The following SENP5 variants were observed in gnomAD, a reference collection of about 807,000 sequenced individuals.
SENP5 encodes the protein sentrin-specific protease 5.
Under a neutral mutation model 74.2 loss-of-function variants are expected in SENP5, and 21 were observed. The ratio of observed to expected loss-of-function variants is 0.28; its 90% CI spans 0.20 to 0.41. The LOEUF (loss-of-function observed/expected upper bound fraction) is 0.41. SENP5 is among the 10% of genes least tolerant of loss of function. The pLI, the probability that SENP5 is intolerant of heterozygous loss-of-function variation, is 1.00. For synonymous variants in SENP5, 311 were observed against 312.7 expected (o/e 0.99, Z 0.06); for missense variants, 717 against 889.1 (o/e 0.81, Z 2.46).
At chr3:196,896,717 G>A (rs1247550726) in intron 2 of SENP5, among the ~76,000 whole-genome samples, 2 of 152,158 alleles carry the variant, frequency 1.3e-5, no homozygotes, top group Non-Finnish European at 2.9e-5. Flanking sequence ...AAAGTGCTGG[G>A]ATTACAGGCA....
At position 196,885,513 on chromosome 3, in the gene SENP5, T is replaced by C. The variant is rs1328835207; in HGVS notation, c.332T>C (p.Leu111Pro). ...CACTTCATTTCCTCCTCAAAGACTC[T>C]CCTGAGACTCCAAGCAGAGAAGCTG... Reference protein sequence around the residue: ...AKHFISSSKTLLRLQAEKLLS... With the variant: ...AKHFISSSKTPLRLQAEKLLS... The change falls in exon 2 of 10, where the codon CTC becomes CCC. Residue 111 changes from leucine to proline, a missense_variant. Physicochemically the swap from Leu to Pro is moderately conservative, Grantham distance 98. Around this residue, in one of 4 missense-constraint regions of SENP5, gnomAD observed 567 missense variants for 577.4 expected, o/e 0.98. Coordinates refer to ENST00000323460, the MANE Select transcript of SENP5 (RefSeq NM_152699.5). 3 of 1,613,988 alleles carry C rather than the reference T, an allele frequency of 1.9e-6. No homozygotes were observed. The highest frequency in any genetic ancestry group is 2.7e-5 in the African/African-American group (2 of 74,922).
At chr3:196,916,130 G>A (rs1231784283) in intron 6 of SENP5, among the ~76,000 whole-genome samples, 1 of 152,052 alleles carries the variant, frequency 6.6e-6, no homozygotes, top group Non-Finnish European at 1.5e-5. Context: ...TTCCAGACCA[G>A]CCTGGCCAAC....
Position 196,880,680 on chromosome 3 carries a change from A to G in SENP5, c.-31-4471A>G, listed in dbSNP as rs62410815. ...TTTTGAGACGGAGTTTTGCTTTTGT[A>G]CCCCAGGCTGGAGTGCAATGGCGTG... On this transcript the variant is annotated intron_variant, in intron 1 of 9. Transcript: ENST00000323460. Among the ~76,000 whole-genome samples the G allele has an allele frequency of 8.8e-3, 700 of 79,374 alleles. 1 individual carries two copies. Among genetic ancestry groups the G allele is most frequent in the Middle Eastern group, 0.043 (4 of 92 alleles). The allele number at this position is 79,374 out of a possible 152,430, so 52.1% of individuals were successfully genotyped here. A position where few individuals can be genotyped will look rare whatever the true frequency, so the allele number is the denominator to read the frequency against.
chr3:196,889,698 C>A (rs373019400), intron 2 of SENP5, among the ~76,000 whole-genome samples: 115 of 152,302 alleles, frequency 7.6e-4, no homozygotes, highest in African/African-American at 2.7e-3. Context: ...ATATTAAAAA[C>A]ACATGTGTCT....
At chr3:196,892,744 A>G (rs1272637200) in intron 2 of SENP5, among the ~76,000 whole-genome samples, 1 of 151,910 alleles carries the variant, frequency 6.6e-6, no homozygotes, top group East Asian at 1.9e-4. Flanking sequence ...CCTGGTAACT[A>G]CCGTTGATTC....
intron 5 of SENP5, among the ~76,000 whole-genome samples, chr3:196,902,182 T>C (rs1714728175): frequency 6.6e-6 from 1 of 152,242 alleles, no homozygotes; most frequent in Non-Finnish European, 1.5e-5. Flanking sequence ...AGTGGCACAG[T>C]CATAGCTCAC....
intron 2 of SENP5, among the ~76,000 whole-genome samples, chr3:196,889,466 CA>C (rs1195608275): frequency 6.6e-6 from 1 of 151,970 alleles, no homozygotes; most frequent in Non-Finnish European, 1.5e-5. Context: ...TTTAATAGGC[CA>C]AAGGGGAAAA....
intron 4 of SENP5, 53 bp from the exon 5 acceptor site, chr3:196,900,312 C>A: frequency 6.6e-7 from 1 of 1,519,114 alleles, no homozygotes; most frequent in Non-Finnish European, 9.0e-7. Flanking sequence ...GTTTTTCTTT[C>A]TCCAACTTAA....
chr3:196,909,941 TAGAAAG>T (rs1349148695), intron 6 of SENP5, among the ~76,000 whole-genome samples: 3 of 152,146 alleles, frequency 2.0e-5, no homozygotes, highest in African/African-American at 7.2e-5. Flanking sequence ...GGTATTCAGA[TAGAAAG>T]AGAGGAAGTC....
Position 196,884,154 on chromosome 3 carries a change from T to C in SENP5, c.-31-997T>C, listed in dbSNP as rs554490694. Among the ~76,000 whole-genome samples, 15 of 152,362 alleles carry C rather than the reference T, an allele frequency of 9.8e-5. 1 individual carries two copies. The South Asian group carries it at 2.7e-3, about 27-fold the overall frequency. On this transcript the variant is annotated intron_variant, in intron 1 of 9. Coordinates refer to ENST00000323460, the MANE Select transcript of SENP5 (RefSeq NM_152699.5). ...CAGGTACTTTTGTTCTGTATAGTCA[T>C]GCACCAGTAGATATTTAGTAAATAC... is the stretch of plus-strand genomic sequence containing the variant.
intron 8 of SENP5, chr3:196,929,265 G>A (rs963416059): frequency 1.4e-5 from 3 of 210,598 alleles, no homozygotes; most frequent in East Asian, 3.3e-4. Context: ...CGGAGTTGTC[G>A]CCATCCTAGC....
intron 8 of SENP5, among the ~76,000 whole-genome samples, chr3:196,928,275 A>C (rs1248979391): frequency 1.3e-5 from 2 of 152,234 alleles, no homozygotes; most frequent in Non-Finnish European, 2.9e-5. Flanking sequence ...GCTACTTGGC[A>C]GGCATGTGGG....
chr3:196,873,314 T>C (rs1394963051), intron 1 of SENP5, among the ~76,000 whole-genome samples: 6 of 151,536 alleles, frequency 4.0e-5, no homozygotes, highest in African/African-American at 1.2e-4. Context: ...CTCAGGTGAT[T>C]CGCCTGCCTC....
intron 2 of SENP5, among the ~76,000 whole-genome samples, chr3:196,899,400 TTCTC>T (rs1221999513): frequency 3.6e-5 from 3 of 83,270 alleles, no homozygotes; most frequent in African/African-American, 1.1e-4. Context: ...TATCCATTCC[TTCTC>T]TAACAATGCT....
intron 2 of SENP5, among the ~76,000 whole-genome samples, chr3:196,898,641 G>A (rs759627277): frequency 2.0e-5 from 3 of 152,036 alleles, no homozygotes; most frequent in Non-Finnish European, 2.9e-5. Context: ...CTAGCTGGGT[G>A]TGGTGGCTCA....
chr3:196,883,299 A>G (rs754807241), intron 1 of SENP5, among the ~76,000 whole-genome samples: 6 of 152,086 alleles, frequency 3.9e-5, no homozygotes, highest in Admixed American at 6.6e-5. Context: ...GACATCCCCA[A>G]ATATCACTAT....
At chr3:196,878,147 C>A (rs1351583200) in intron 1 of SENP5, among the ~76,000 whole-genome samples, 1 of 152,172 alleles carries the variant, frequency 6.6e-6, no homozygotes, top group Non-Finnish European at 1.5e-5. Context: ...AAAGCTGTAT[C>A]CTAAACCAAC....
chr3:196,929,218 G>A (rs901114352), intron 8 of SENP5: 2 of 177,814 alleles, frequency 1.1e-5, no homozygotes, highest in Non-Finnish European at 2.3e-5. Flanking sequence ...ATAGGACAGG[G>A]TCGTGTGATG....
chr3:196,904,706 T>G (rs1714830441), intron 6 of SENP5, among the ~76,000 whole-genome samples: 2 of 152,060 alleles, frequency 1.3e-5, no homozygotes, highest in Admixed American at 1.3e-4. Context: ...GGAGAATCGC[T>G]TGAACATGGG....
Sources: gnomAD v4.1 joint callset for allele counts (sites outside exome capture counted in the v4.1 genomes callset) on GRCh38, gnomAD v4.1.1 for gene constraint, gnomAD v4.1.1 regional missense constraint, MANE v1.5 for transcripts, NCBI Gene and HGNC (gene_info 2026-07-23, HGNC 2026-07-21) for gene names.